Variants in ERC2 observed in about 807,000 individuals in gnomAD.
ERC2 encodes ERC protein 2.
Under a neutral mutation model 114.8 loss-of-function variants are expected in ERC2, and 42 were observed. That is an observed-to-expected ratio of 0.37 (90% CI 0.29 to 0.47). The LOEUF (loss-of-function observed/expected upper bound fraction) is 0.47. ERC2 is among the 20% of genes least tolerant of loss of function. The probability of loss-of-function intolerance (pLI) is 0.99; values close to 1 mark genes in which losing one functional copy is unlikely to be tolerated. For synonymous variants in ERC2, 454 were observed against 425.5 expected (o/e 1.07, Z -0.82); for missense variants, 939 against 1,150.7 (o/e 0.82, Z 2.66).
intron 6 of ERC2, among the ~76,000 whole-genome samples, chr3:56,089,256 T>C (rs955343802): frequency 1.4e-4 from 22 of 152,138 alleles, no homozygotes; most frequent in Admixed American, 1.2e-3. Flanking sequence ...CAACTGAAAA[T>C]TGTCAATTAA....
intron 3 of ERC2, among the ~76,000 whole-genome samples, chr3:56,181,565 G>A (rs1219208227): frequency 6.6e-6 from 1 of 152,098 alleles, no homozygotes; most frequent in Non-Finnish European, 1.5e-5. Flanking sequence ...CCAATCTCAG[G>A]AAAAAGAATT....
At chr3:56,271,368 T>C (rs1485076870) in intron 3 of ERC2, among the ~76,000 whole-genome samples, 16 of 152,232 alleles carry the variant, frequency 1.1e-4, no homozygotes, top group Non-Finnish European at 4.4e-5. Context: ...TTGGGAAATA[T>C]AACTGAATTC....
In ERC2 at chr3:55,699,279, C is replaced by G. The variant is rs1386152623; in HGVS notation, c.2847+99G>C. 26 of 1,447,190 alleles carry G rather than the reference C, an allele frequency of 1.8e-5. No homozygotes were observed. The Admixed American group carries it at 3.4e-4, about 19-fold the overall frequency. The allele number at this position is 1,447,190 out of a possible 1,614,324, so 89.6% of individuals were successfully genotyped here. A position where few individuals can be genotyped will look rare whatever the true frequency, so the allele number is the denominator to read the frequency against. On this transcript the variant is annotated intron_variant, in intron 16 of 17. Coordinates refer to ENST00000288221, the MANE Select transcript of ERC2 (RefSeq NM_015576.3). ...ATTAGTTTCAGTTCAAAGAACGTATCACTTTATGATGTTTATTATTTCTTG... is the reference window on the plus strand; with the variant it reads ...ATTAGTTTCAGTTCAAAGAACGTATGACTTTATGATGTTTATTATTTCTTG...
At chr3:55,806,476 A>G (rs1330883818) in intron 14 of ERC2, among the ~76,000 whole-genome samples, 1 of 152,194 alleles carries the variant, frequency 6.6e-6, no homozygotes, top group Non-Finnish European at 1.5e-5. Flanking sequence ...AAGCTGAAGC[A>G]GAGGAATCAT....
At chr3:55,973,091 G>A (rs1170814919) in intron 12 of ERC2, among the ~76,000 whole-genome samples, 4 of 152,134 alleles carry the variant, frequency 2.6e-5, no homozygotes, top group African/African-American at 4.8e-5. Context: ...CCCATCCTGC[G>A]AGGAGGAGGG....
chr3:55,543,032 T>C (rs148746148), intron 17 of ERC2, among the ~76,000 whole-genome samples: 9 of 152,322 alleles, frequency 5.9e-5, no homozygotes, highest in Non-Finnish European at 1.3e-4. Flanking sequence ...AAAGCCTCCA[T>C]ATCTCTGGTG....
intron 3 of ERC2, among the ~76,000 whole-genome samples, chr3:56,228,972 G>A (rs546197584): frequency 2.6e-5 from 4 of 152,224 alleles, no homozygotes; most frequent in African/African-American, 4.8e-5. Flanking sequence ...ATGGGTAAGA[G>A]TCCATACCAG....
chr3:55,804,183 G>A (rs1365337690), intron 14 of ERC2, among the ~76,000 whole-genome samples: 1 of 152,044 alleles, frequency 6.6e-6, no homozygotes, highest in African/African-American at 2.4e-5. Flanking sequence ...AATAATAATC[G>A]AATCCCTCTC....
Position 55,734,811 on chromosome 3 carries a change from T to C in ERC2, c.2672A>G (p.Lys891Arg), listed in dbSNP as rs1303946924. The C allele has an allele frequency of 1.2e-6, 2 of 1,613,328 alleles. No individual in the cohort carries two copies. The highest frequency in any genetic ancestry group is 1.3e-5 in the African/African-American group (1 of 75,000). Residue 891 changes from lysine (K) to arginine (R), a missense_variant, in exon 15 of 18, where the codon AAG becomes AGG. By Grantham distance (26) the Lys-to-Arg change is conservative. Coordinates refer to ENST00000288221, the MANE Select transcript of ERC2 (RefSeq NM_015576.3). ...ATGTACTAGTCGGTCTTTTTCCCGC[T>C]TGAGGGCCATGACTTCTTCCTGCGT... ...KKTQEEVMAL[K>R]REKDRLVHQL...
intron 6 of ERC2, among the ~76,000 whole-genome samples, chr3:56,088,985 G>C (rs2077647151): frequency 6.6e-6 from 1 of 152,148 alleles, no homozygotes. Context: ...GAAGAGTGGA[G>C]AACCAGCAAA....
Position 56,046,963 on chromosome 3 carries a change from T to C in ERC2, c.1642-27932A>G, listed in dbSNP as rs80033604. Among the ~76,000 whole-genome samples, 197 of 152,308 alleles carry C rather than the reference T, an allele frequency of 1.3e-3. 3 individuals carry two copies. In the East Asian group the frequency reaches 0.017, roughly 13 times the overall value. On this transcript the variant is annotated intron_variant, in intron 7 of 17. Transcript: ENST00000288221. ...GCAGGCCCCAGATTCATTCCGCTAG[T>C]GGAAAGGAGTCTGTCTTCTGCAAAG...
At chr3:56,106,502 GTTGTC>G (rs1195055300) in intron 6 of ERC2, among the ~76,000 whole-genome samples, 3 of 152,178 alleles carry the variant, frequency 2.0e-5, no homozygotes, top group Non-Finnish European at 4.4e-5. Context: ...TTAACTTGGG[GTTGTC>G]TTTAGGGCCT....
Position 56,074,787 on chromosome 3 carries a change from G to A in ERC2, c.1641+6030C>T, listed in dbSNP as rs529956523. Among the ~76,000 whole-genome samples, 11 of 152,220 alleles carry A rather than the reference G, an allele frequency of 7.2e-5. No homozygotes were observed. The South Asian group carries it at 1.5e-3, about 20-fold the overall frequency. On this transcript the variant is annotated intron_variant, in intron 7 of 17. Coordinates refer to ENST00000288221, the MANE Select transcript of ERC2 (RefSeq NM_015576.3). ...TCTTGCAGCCTACACAGAACATACC[G>A]TGCTGGGAACAAGAGTGGGCTTGAC...
At chr3:56,301,493 C>T (rs1049345180) in intron 2 of ERC2, among the ~76,000 whole-genome samples, 5 of 152,096 alleles carry the variant, frequency 3.3e-5, no homozygotes, top group Non-Finnish European at 7.3e-5. Flanking sequence ...TATCCATCCT[C>T]CCTCTCCCCT....
chr3:56,085,324 G>A (rs532800083), intron 6 of ERC2, among the ~76,000 whole-genome samples: 6 of 152,314 alleles, frequency 3.9e-5, no homozygotes, highest in East Asian at 1.9e-4. Flanking sequence ...GGAGGTCCCC[G>A]TAGGGGAAGG....
intron 14 of ERC2, among the ~76,000 whole-genome samples, chr3:55,801,972 T>A (rs2071092027): frequency 6.6e-6 from 1 of 152,238 alleles, no homozygotes. Flanking sequence ...AACAATTTCC[T>A]GGGTGCTACT....
chr3:55,518,354 A>G (rs1204418280), intron 17 of ERC2, among the ~76,000 whole-genome samples: 1 of 152,242 alleles, frequency 6.6e-6, no homozygotes, highest in African/African-American at 2.4e-5. Flanking sequence ...ATATTATTTC[A>G]GAAACAGTTG....
chr3:55,767,039 C>G (rs188012577), intron 14 of ERC2, among the ~76,000 whole-genome samples: 1 of 152,312 alleles, frequency 6.6e-6, no homozygotes, highest in Non-Finnish European at 1.5e-5. Context: ...TGAGTGCTTA[C>G]TGTGTGCCAG....
chr3:56,461,098 A>G (rs1267631513), intron 1 of ERC2, among the ~76,000 whole-genome samples: 1 of 152,068 alleles, frequency 6.6e-6, no homozygotes, highest in Admixed American at 6.6e-5. Flanking sequence ...TAAAGCTTTC[A>G]ATTCAAAGAA....
Sources: gnomAD v4.1 joint callset for allele counts (sites outside exome capture counted in the v4.1 genomes callset) on GRCh38, gnomAD v4.1.1 for gene constraint, MANE v1.5 for transcripts, NCBI Gene and HGNC (gene_info 2026-07-23, HGNC 2026-07-21) for gene names.